The following MSH4 variants were observed in gnomAD, a reference collection of about 807,000 sequenced individuals.
The protein encoded by MSH4 is mutS homolog 4.
Under a neutral mutation model 113.7 loss-of-function variants are expected in MSH4, and 106 were observed. The ratio of observed to expected loss-of-function variants is 0.93; its 90% CI spans 0.80 to 1.10. MSH4 has a LOEUF of 1.10. Among genes scored for constraint, MSH4 ranks in the 50% least tolerant of loss-of-function variants. The pLI is 0.00. For synonymous variants in MSH4, 368 were observed against 380.2 expected, an observed-to-expected ratio of 0.97 and a Z score of 0.37; for missense variants, 1,061 against 1,093.7, an observed-to-expected ratio of 0.97 and a Z score of 0.42.
intron 8 of MSH4, among the ~76,000 whole-genome samples, chr1:75,851,629 C>T (rs902986036): frequency 6.6e-6 from 1 of 152,086 alleles, no homozygotes; most frequent in Non-Finnish European, 1.5e-5. Flanking sequence ...AGGCTGGTCT[C>T]AAACTCCTAA....
chr1:75,910,434 C>CT (rs946117741), intron 19 of MSH4, among the ~76,000 whole-genome samples: 14 of 148,920 alleles, frequency 9.4e-5, no homozygotes, highest in South Asian at 2.1e-4. Context: ...TTTTTCTTTT[C>CT]TTTTTTTTTC....
intron 9 of MSH4, among the ~76,000 whole-genome samples, chr1:75,868,928 C>T (rs1651649548): frequency 6.6e-6 from 1 of 152,174 alleles, no homozygotes; most frequent in Non-Finnish European, 1.5e-5. Context: ...CAGACTGATA[C>T]AGTAAATTTT....
intron 11 of MSH4, 24 bp from the exon 12 acceptor site, chr1:75,878,968 G>C: frequency 6.3e-7 from 1 of 1,584,010 alleles, no homozygotes; most frequent in African/African-American, 1.4e-5. Flanking sequence ...TTTTGTTTTT[G>C]TTTTTCTTGT....
chr1:75,884,615 G>A (rs1009128744), intron 15 of MSH4, among the ~76,000 whole-genome samples: 4 of 151,802 alleles, frequency 2.6e-5, no homozygotes, highest in Admixed American at 1.3e-4. Context: ...TCCTCTCCAC[G>A]CTCCCCTGCT....
At chr1:75,891,705 C>T (rs534651814) in intron 17 of MSH4, among the ~76,000 whole-genome samples, 9 of 152,268 alleles carry the variant, frequency 5.9e-5, no homozygotes, top group African/African-American at 2.2e-4. Flanking sequence ...CCACTCACTT[C>T]AGCCTCCCAA....
rs34304425 is a variant in MSH4, at chr1:75,902,673, GTATATATATA to G, written c.2619+3020_2619+3029del. Among the ~76,000 whole-genome samples, 361 of 90,156 alleles carry G rather than the reference GTATATATATA, an allele frequency of 4.0e-3. 6 individuals are homozygous for G. The highest frequency in any genetic ancestry group is 6.5e-3 in the African/African-American group (182 of 27,900). The allele number at this position is 90,156 out of a possible 152,430, so 59.1% of individuals were successfully genotyped here. On this transcript the variant is annotated intron_variant, in intron 19 of 19. Coordinates refer to ENST00000263187, the MANE Select transcript of MSH4 (RefSeq NM_002440.4). ...AGGTACAGGTGTTATATATGTGTAT[GTATATATATA>G]TATATATATATATATATATATATAT...
chr1:75,885,916 A>G (rs1259057547), intron 15 of MSH4, among the ~76,000 whole-genome samples: 21 of 33,956 alleles, frequency 6.2e-4, no homozygotes, highest in South Asian at 1.1e-3. Context: ...AGTATATATA[A>G]TATATATGAT....
At chr1:75,894,751 ACT>A (rs1236310743) in intron 17 of MSH4, among the ~76,000 whole-genome samples, 5 of 152,212 alleles carry the variant, frequency 3.3e-5, no homozygotes, top group Non-Finnish European at 7.3e-5. Context: ...CATGGAATTC[ACT>A]GTTTTGACTG....
rs908517577 is a variant in MSH4, at chr1:75,826,543, T to A, written c.1162+3962T>A. Among the ~76,000 whole-genome samples the A allele has an allele frequency of 7.2e-5, 11 of 152,290 alleles. No homozygotes were observed. In the South Asian group the frequency reaches 8.3e-4, roughly 11 times the overall value. ...GCTCTTGCTTCTCTAATTCTTTTAA[T>A]TGTGATGTTAGGGTGTCGATTTGAG... On this transcript the variant is annotated intron_variant, in intron 7 of 19. Transcript: ENST00000263187.
chr1:75,888,546 A>G (rs1652177113), intron 15 of MSH4, among the ~76,000 whole-genome samples: 1 of 151,604 alleles, frequency 6.6e-6, no homozygotes, highest in African/African-American at 2.4e-5. Context: ...ATTTCTTTAT[A>G]TCTTTTTATA....
intron 17 of MSH4, among the ~76,000 whole-genome samples, chr1:75,897,185 C>T (rs922196101): frequency 9.2e-5 from 14 of 152,106 alleles, no homozygotes; most frequent in Non-Finnish European, 1.8e-4. Context: ...GTCACTTGAA[C>T]CACTTTCATC....
At chr1:75,854,013 G>GTGTATATATATATATATATA (rs1353448679) in intron 8 of MSH4, among the ~76,000 whole-genome samples, 8 of 116,836 alleles carry the variant, frequency 6.8e-5, no homozygotes, top group African/African-American at 2.2e-4. Flanking sequence ...GTGTGTGTGT[G>GTGTATATATATATATATATA]TATATATATA....
In MSH4 at chr1:75,878,840, A is replaced by AG. The variant is rs1357054496; in HGVS notation, c.1541-152_1541-151insG. 4.3e-6 allele frequency: 3 copies of AG among 692,252 alleles called. No individual in the cohort carries two copies. In the African/African-American group the frequency reaches 5.4e-5, roughly 13 times the overall value. 42.9% of individuals were successfully genotyped at this position (692,252 alleles called of 1,614,324 possible). On this transcript the variant is annotated intron_variant, in intron 11 of 19. Transcript: ENST00000263187. ...TGAGATCTGTCTTGAAAAAAAAAAA[A>AG]AATTATTAGAGTTTGAAAGAGCAAC...
At chr1:75,859,527 G>A (rs999973330) in intron 8 of MSH4, among the ~76,000 whole-genome samples, 2 of 152,282 alleles carry the variant, frequency 1.3e-5, no homozygotes, top group African/African-American at 4.8e-5. Flanking sequence ...TTACTGAGTA[G>A]TCATTCAGGA....
At chr1:75,874,811 A>G (rs1249023423) in intron 9 of MSH4, among the ~76,000 whole-genome samples, 1 of 152,216 alleles carries the variant, frequency 6.6e-6, no homozygotes, top group Non-Finnish European at 1.5e-5. Flanking sequence ...AGAAAAAATT[A>G]TGTCTGACAT....
At chr1:75,804,499 CTT>C (rs5775308) in intron 2 of MSH4, among the ~76,000 whole-genome samples, 99 of 123,264 alleles carry the variant, frequency 8.0e-4, no homozygotes, top group East Asian at 1.2e-3. Flanking sequence ...TATGACCTTC[CTT>C]TTTTTTTTTT....
chr1:75,820,565 G>C (rs1335350451), intron 6 of MSH4, among the ~76,000 whole-genome samples: 2 of 152,130 alleles, frequency 1.3e-5, no homozygotes, highest in African/African-American at 4.8e-5. Context: ...TATGTCTCCA[G>C]GAATTTATCC....
intron 8 of MSH4, among the ~76,000 whole-genome samples, chr1:75,865,616 AGTTTGTG>A (rs1651546466): frequency 6.6e-6 from 1 of 152,146 alleles, no homozygotes; most frequent in African/African-American, 2.4e-5. Flanking sequence ...CAGATGTTGA[AGTTTGTG>A]ATTGGAGAGT....
chr1:75,839,886 G>C (rs541582732), intron 7 of MSH4, among the ~76,000 whole-genome samples: 1 of 146,370 alleles, frequency 6.8e-6, no homozygotes, highest in African/African-American at 2.5e-5. Context: ...CTCAAAAGAA[G>C]ACATTTATGC....
Sources: gnomAD v4.1 joint callset for allele counts (sites outside exome capture counted in the v4.1 genomes callset) on GRCh38, gnomAD v4.1.1 for gene constraint, MANE v1.5 for transcripts, NCBI Gene and HGNC (gene_info 2026-07-23, HGNC 2026-07-21) for gene names.